STXBP5L: variants seen among roughly 807,000 people sequenced by gnomAD.
STXBP5L encodes the protein syntaxin-binding protein 5-like.
In STXBP5L, 65 loss-of-function variants were observed where a neutral mutation model predicts 144.5. That is an observed-to-expected ratio of 0.45 (90% CI 0.37 to 0.55). STXBP5L has a LOEUF of 0.55. Ranked by LOEUF, STXBP5L falls within the 20% of genes least tolerant of loss-of-function variation. The pLI is 0.00. For missense variants in STXBP5L, 1,298 were observed against 1,405.5 expected (o/e 0.92, Z 1.22); for synonymous variants, 505 against 469.6 (o/e 1.08, Z -0.97).
chr3:121,082,498 G>T (rs1378958424), intron 5 of STXBP5L, among the ~76,000 whole-genome samples: 1 of 152,180 alleles, frequency 6.6e-6, no homozygotes, highest in Non-Finnish European at 1.5e-5. Context: ...AGCTTTATCT[G>T]CTTGGGACCC....
chr3:121,059,163 A>C (rs1054191944), intron 5 of STXBP5L, among the ~76,000 whole-genome samples: 2 of 152,194 alleles, frequency 1.3e-5, no homozygotes, highest in Non-Finnish European at 2.9e-5. Flanking sequence ...GGTGTAAGGA[A>C]GGGGTCCAGT....
chr3:121,055,801 G>A (rs1268357203), intron 5 of STXBP5L, among the ~76,000 whole-genome samples: 1 of 151,798 alleles, frequency 6.6e-6, no homozygotes, highest in African/African-American at 2.4e-5. Flanking sequence ...CTGGGCTACA[G>A]CAGTCCTCCC....
chr3:120,955,241 C>G (rs1009687843), intron 3 of STXBP5L, among the ~76,000 whole-genome samples: 1 of 151,860 alleles, frequency 6.6e-6, no homozygotes, highest in Non-Finnish European at 1.5e-5. Flanking sequence ...TTCTTTAACT[C>G]CTGTTATTTG....
chr3:121,006,264 A>C (rs974518171), intron 3 of STXBP5L, among the ~76,000 whole-genome samples: 2 of 152,196 alleles, frequency 1.3e-5, no homozygotes, highest in African/African-American at 4.8e-5. Context: ...TATTTAGGAT[A>C]GTTAGCTCTT....
intron 5 of STXBP5L, among the ~76,000 whole-genome samples, chr3:121,078,851 CG>C (rs1234364862): frequency 3.3e-5 from 5 of 152,376 alleles, no homozygotes; most frequent in African/African-American, 1.2e-4. Context: ...GCTCTGAGTG[CG>C]GGGCCCGCCA....
intron 3 of STXBP5L, among the ~76,000 whole-genome samples, chr3:120,965,204 G>A (rs934713345): frequency 6.6e-6 from 1 of 152,096 alleles, no homozygotes; most frequent in Non-Finnish European, 1.5e-5. Flanking sequence ...CCTGAATACA[G>A]CACACTGATG....
intron 5 of STXBP5L, among the ~76,000 whole-genome samples, chr3:121,074,537 C>T (rs1182416406): frequency 6.6e-6 from 1 of 152,172 alleles, no homozygotes; most frequent in Non-Finnish European, 1.5e-5. Flanking sequence ...TGCCCCGCAG[C>T]AGTTCCACCA....
chr3:120,999,345 T>C (rs574087623), intron 3 of STXBP5L, among the ~76,000 whole-genome samples: 35 of 152,140 alleles, frequency 2.3e-4, no homozygotes, highest in Admixed American at 2.6e-4. Context: ...CTTGTTACTT[T>C]TGATGTTGTG....
chr3:121,318,684 G>A, intron 20 of STXBP5L, 144 bp downstream of exon 20: 1 of 480,798 alleles, frequency 2.1e-6, no homozygotes, highest in Non-Finnish European at 3.6e-6. Flanking sequence ...AAGCAAATTT[G>A]ATTCCAAATA....
At chr3:121,349,471 G>A (rs904645382) in intron 20 of STXBP5L, among the ~76,000 whole-genome samples, 19 of 152,030 alleles carry the variant, frequency 1.2e-4, no homozygotes, top group Non-Finnish European at 4.4e-5. Flanking sequence ...ATGTCTATTA[G>A]GTCTGCTTGG....
At chr3:121,415,662 G>A (rs2047214985) in intron 24 of STXBP5L, among the ~76,000 whole-genome samples, 195 bp from the exon 25 acceptor site, 1 of 152,138 alleles carries the variant, frequency 6.6e-6, no homozygotes, top group Non-Finnish European at 1.5e-5. Context: ...ATTTTAGAAT[G>A]TTTGTTACTA....
At chr3:121,326,349 G>T (rs376879172) in intron 20 of STXBP5L, among the ~76,000 whole-genome samples, 3 of 151,952 alleles carry the variant, frequency 2.0e-5, no homozygotes, top group South Asian at 4.1e-4. Flanking sequence ...CAGAATGCTT[G>T]CTTTTTTGTT....
At chr3:121,377,265 C>A (rs1560036601) in intron 20 of STXBP5L, among the ~76,000 whole-genome samples, 1 of 152,064 alleles carries the variant, frequency 6.6e-6, no homozygotes, top group Non-Finnish European at 1.5e-5. Context: ...CCATTCAGGA[C>A]ATAGGCATGG....
chr3:121,285,689 A>G (rs1164915806), intron 19 of STXBP5L, among the ~76,000 whole-genome samples: 1 of 152,120 alleles, frequency 6.6e-6, no homozygotes, highest in Non-Finnish European at 1.5e-5. Flanking sequence ...ACATCTGATC[A>G]GAAGATTTAC....
At chr3:120,913,974 T>C (rs1232875459) in intron 2 of STXBP5L, among the ~76,000 whole-genome samples, 2 of 152,022 alleles carry the variant, frequency 1.3e-5, no homozygotes, top group East Asian at 3.8e-4. Flanking sequence ...ATGAAATAAC[T>C]TTTATATAAA....
intron 3 of STXBP5L, among the ~76,000 whole-genome samples, chr3:120,956,973 C>G (rs1346094964): frequency 6.6e-6 from 1 of 151,790 alleles, no homozygotes; most frequent in Non-Finnish European, 1.5e-5. Flanking sequence ...ACATTTGGGC[C>G]TTTTATCCAT....
intron 5 of STXBP5L, among the ~76,000 whole-genome samples, chr3:121,070,854 G>A (rs2041779274): frequency 6.6e-6 from 1 of 152,152 alleles, no homozygotes; most frequent in African/African-American, 2.4e-5. Context: ...TACTGACCCT[G>A]GTTTCTGTGG....
rs141318500 is a variant in STXBP5L, at chr3:120,978,146, A to G, written c.287+23109A>G. On this transcript the variant is annotated intron_variant, in intron 3 of 26. Transcript: ENST00000471454. The stretch of plus-strand genomic sequence containing the variant: ...ATAATATCCTGCAGAGTGTTTTCCA[A>G]CTTGGTTCCATTCTCCCTGTCACTT... Among the ~76,000 whole-genome samples the G allele has an allele frequency of 7.8e-4, 119 of 152,332 alleles. 1 individual carries two copies. In the East Asian group the frequency reaches 0.022, roughly 29 times the overall value.
intron 5 of STXBP5L, among the ~76,000 whole-genome samples, chr3:121,073,232 C>A (rs951063183): frequency 1.3e-5 from 2 of 152,286 alleles, no homozygotes; most frequent in East Asian, 1.9e-4. Context: ...CGTGCTCCAC[C>A]CATTCTGTTG....
Sources: gnomAD v4.1 joint callset for allele counts (sites outside exome capture counted in the v4.1 genomes callset) on GRCh38, gnomAD v4.1.1 for gene constraint, MANE v1.5 for transcripts, NCBI Gene and HGNC (gene_info 2026-07-23, HGNC 2026-07-21) for gene names.